PNN: variants seen among roughly 807,000 people sequenced by gnomAD.
PNN encodes pinin.
A neutral mutation model predicts 76.6 loss-of-function variants in PNN; 38 were observed. The observed-to-expected ratio is 0.50, with a 90% CI of 0.38 to 0.65. The LOEUF is 0.65. PNN is among the 30% of genes least tolerant of loss of function. The pLI is 0.00. For synonymous variants in PNN, 366 were observed against 283.7 expected (o/e 1.29, Z -2.91); for missense variants, 873 against 874.1 (o/e 1.00, Z 0.02).
rs1566557691 is a variant in PNN, at chr14:39,177,784, A to G, written c.423-57A>G. The G allele has an allele frequency of 6.2e-6, 9 of 1,463,072 alleles. No individual in the cohort carries two copies. In the South Asian group the frequency reaches 1.0e-4, roughly 17 times the overall value. 90.6% of individuals were successfully genotyped at this position (1,463,072 alleles called of 1,614,324 possible). ...ATCCTGTAGTATTTCTTAGAAAATGATGGGTTTAAATGAAATGGATCCTGT... is the reference window on the plus strand; with the variant it reads ...ATCCTGTAGTATTTCTTAGAAAATGGTGGGTTTAAATGAAATGGATCCTGT... On this transcript the variant is annotated intron_variant, in intron 5 of 8. Transcript: ENST00000216832.
At position 39,177,473 on chromosome 14, in the gene PNN, G is replaced by A; in HGVS notation, c.316G>A (p.Asp106Asn). Reference protein sequence around the residue: ...SRQESDPEDDDVKKPALQSSV... With the variant: ...SRQESDPEDDNVKKPALQSSV... Reference sequence around the variant, plus strand: ...CCAGGAAAGCGACCCGGAGGATGATGATGTTAAAAAGGTATTGAGATTGAA... The same window carrying A: ...CCAGGAAAGCGACCCGGAGGATGATAATGTTAAAAAGGTATTGAGATTGAA... Residue 106 changes from aspartate (D) to asparagine (N), a missense_variant, in exon 4 of 9, where the codon GAT becomes AAT. Transcript: ENST00000216832. 6.2e-7 allele frequency: 1 copy of A among 1,613,840 alleles called. No individual in the cohort carries two copies.
chr14:39,177,634 C>A lies in PNN; in HGVS notation c.369C>A (p.Arg123=). ...CAGTTGTAGCTACCTCCAAAGAGCG[C>A]ACACGTAGAGACCTTATCCAGGATC... The part of the protein sequence containing the change: ...QSSVVATSKE[R]TRRDLIQDQN... The change falls in exon 5 of 9, where the codon CGC becomes CGA. Residue 123 remains arginine, a synonymous_variant. Coordinates refer to ENST00000216832, the MANE Select transcript of PNN (RefSeq NM_002687.4). 6.2e-7 allele frequency: 1 copy of A among 1,613,822 alleles called. No individual in the cohort carries two copies. Among genetic ancestry groups the A allele is most frequent in the South Asian group, 1.1e-5 (1 of 91,078 alleles).
At position 39,181,118 on chromosome 14, in the gene PNN, C is replaced by A. The variant is rs2053266364; in HGVS notation, c.1409C>A (p.Pro470His). 6 of 1,612,866 alleles carry A rather than the reference C, an allele frequency of 3.7e-6. No homozygotes were observed. The African/African-American group carries it at 6.7e-5, about 18-fold the overall frequency. The change falls in exon 9 of 9, where the codon CCT becomes CAT. Residue 470 changes from proline to histidine, a missense_variant. Around this residue, in one of 3 missense-constraint regions of PNN, gnomAD observed 712 missense variants for 693.1 expected, o/e 1.03. Transcript: ENST00000216832. Reference protein sequence around the residue: ...EKEEKESEPQPEPVAQPQPQS... With the variant: ...EKEEKESEPQHEPVAQPQPQS... ...GAAGAAAAAGAATCTGAGCCCCAAC[C>A]TGAGCCTGTGGCTCAACCTCAGCCT...
Position 39,181,466 on chromosome 14 carries a change from G to A in PNN, c.1757G>A (p.Ser586Asn), listed in dbSNP as rs777418085. 1 of 1,610,676 alleles carries A rather than the reference G, an allele frequency of 6.2e-7. No homozygotes were observed. Among genetic ancestry groups the A allele is most frequent in the South Asian group, 1.1e-5 (1 of 90,888 alleles). ...AGTAGCAGTAGCAGTTCTAGTAGCAGTTCAACCAGTAGCAGCAGTGGAAGT... is the reference window on the plus strand; with the variant it reads ...AGTAGCAGTAGCAGTTCTAGTAGCAATTCAACCAGTAGCAGCAGTGGAAGT... ...RSSSSSSSSS[S>N]STSSSSGSSS... Residue 586 changes from serine to asparagine, a missense_variant, in exon 9 of 9, where the codon AGT (serine) becomes AAT (asparagine). By Grantham distance (46) the Ser-to-Asn change is conservative. Transcript: ENST00000216832.
At position 39,181,720 on chromosome 14, in the gene PNN, A is replaced by G. The variant is rs13021; in HGVS notation, c.2011A>G (p.Ser671Gly). The change falls in exon 9 of 9, where the codon AGT becomes GGT. Residue 671 changes from serine to glycine, a missense_variant. Ser to Gly is a moderately conservative substitution (Grantham distance 56, BLOSUM62 0). Coordinates refer to ENST00000216832, the MANE Select transcript of PNN (RefSeq NM_002687.4). ...ERSHKSSKGG[S>G]SRDTKGSKDK... ...AAGTCACAAATCTTCAAAAGGTGGTAGTAGTAGAGATACAAAAGGATCAAA... is the reference window on the plus strand; with the variant it reads ...AAGTCACAAATCTTCAAAAGGTGGTGGTAGTAGAGATACAAAAGGATCAAA... The G allele has an allele frequency of 0.1, 165,092 of 1,613,688 alleles. 9,954 individuals are homozygous for G. Among genetic ancestry groups the G allele is most frequent in the East Asian group, 0.32 (14,261 of 44,874 alleles).
chr14:39,175,779 C>T (rs2053218507), intron 1 of PNN: 1 of 477,090 alleles, frequency 2.1e-6, no homozygotes, highest in Non-Finnish European at 3.7e-6. Context: ...GCCGCCTTAC[C>T]CCAGCTTCCT....
At position 39,176,090 on chromosome 14, in the gene PNN, C is replaced by G; in HGVS notation, c.126C>G (p.Ala42=). The G allele has an allele frequency of 1.2e-6, 2 of 1,605,392 alleles. No individual in the cohort carries two copies. The highest frequency in any genetic ancestry group is 1.7e-6 in the Non-Finnish European group (2 of 1,172,076). The change falls in exon 2 of 9, where the codon GCC becomes GCG. Residue 42 remains alanine (A), a synonymous_variant. Transcript: ENST00000216832. Reference sequence around the variant, plus strand: ...AAATCTTTTACAGGCCCATCCAAGCCAGATTGCTGGCCCTTTCTGGTCCTG... The same window carrying G: ...AAATCTTTTACAGGCCCATCCAAGCGAGATTGCTGGCCCTTTCTGGTCCTG... ...RDPNDVRPIQ[A]RLLALSGPGG...
chr14:39,178,748 T>A (rs1322172016), intron 6 of PNN, among the ~76,000 whole-genome samples: 1 of 146,198 alleles, frequency 6.8e-6, no homozygotes, highest in African/African-American at 2.7e-5. Flanking sequence ...AAAAAAAAAT[T>A]TTTTTTGAGA....
chr14:39,177,572 TGA>T lies in PNN; in HGVS notation c.328-18_328-17del. 9 of 1,609,650 alleles carry T rather than the reference TGA, an allele frequency of 5.6e-6. No homozygotes were observed. The highest frequency in any genetic ancestry group is 7.7e-6 in the Non-Finnish European group (9 of 1,175,854). ...ACCACTCATATGCTAGTTAAATTAC[TGA>T]GATTTTCTTTTTCTGCAGCCAGCAT... is the stretch of plus-strand genomic sequence containing the variant. On this transcript the variant is annotated intron_variant, in intron 4 of 8. Coordinates refer to ENST00000216832, the MANE Select transcript of PNN (RefSeq NM_002687.4).
chr14:39,178,928 ATGG>A, intron 6 of PNN, 160 bp from the exon 7 acceptor site: 1 of 616,964 alleles, frequency 1.6e-6, no homozygotes, highest in Non-Finnish European at 2.7e-6. Flanking sequence ...TTTAGTAGAG[ATGG>A]TGGTGTTGGC....
rs771458367 is a variant in PNN, at chr14:39,181,012, C to G, written c.1303C>G (p.Pro435Ala). The G allele has an allele frequency of 1.9e-5, 30 of 1,611,714 alleles. No homozygotes were observed. The highest frequency in any genetic ancestry group is 2.5e-5 in the Non-Finnish European group (30 of 1,178,426). Residue 435 changes from proline to alanine, a missense_variant, in exon 9 of 9, where the codon CCA (proline) becomes GCA (alanine). This residue lies in a region of PNN where 712 missense variants were observed against 693.1 expected (regional missense o/e 1.03). Transcript: ENST00000216832. ...ACCAGAAATGGAATTTGAAATTGAGCCAGATAAAGAATGTAAAACCCTTTC... is the reference window on the plus strand; with the variant it reads ...ACCAGAAATGGAATTTGAAATTGAGGCAGATAAAGAATGTAAAACCCTTTC... The part of the protein sequence containing the change: ...LEPEMEFEIE[P>A]DKECKTLSPG...
chr14:39,179,408 A>G lies in PNN; in HGVS notation c.739A>G (p.Arg247Gly). 1 of 1,613,028 alleles carries G rather than the reference A, an allele frequency of 6.2e-7. No homozygotes were observed. Among genetic ancestry groups the G allele is most frequent in the Non-Finnish European group, 8.5e-7 (1 of 1,179,084 alleles). Residue 247 changes from arginine to glycine, a missense_variant, in exon 8 of 9, where the codon AGA (arginine) becomes GGA (glycine). Coordinates refer to ENST00000216832, the MANE Select transcript of PNN (RefSeq NM_002687.4). The stretch of plus-strand genomic sequence containing the variant: ...GCCCCATTTGTTTTATATTCCTGGA[A>G]GAATGTGTCCAGCTACCCAAAAACT... The part of the protein sequence containing the change: ...TKPHLFYIPG[R>G]MCPATQKLIE...
chr14:39,178,387 C>T (rs115451838), intron 6 of PNN, among the ~76,000 whole-genome samples: 2,324 of 152,090 alleles, frequency 0.015, 69 homozygotes, highest in African/African-American at 0.052. Context: ...CAAAATTAGC[C>T]GCCTGTGGTG....
chr14:39,178,845 TCTC>T (rs2053249575), intron 6 of PNN, among the ~76,000 whole-genome samples: 1 of 152,134 alleles, frequency 6.6e-6, no homozygotes, highest in African/African-American at 2.4e-5. Flanking sequence ...TCAAGTGATT[TCTC>T]CTGCTTCGGC....
At chr14:39,176,651 A>C in intron 3 of PNN, 56 bp downstream of exon 3, 1 of 1,001,452 alleles carries the variant, frequency 1.0e-6, no homozygotes, top group Non-Finnish European at 1.5e-6. Flanking sequence ...TACCACACAA[A>C]TATAAATGTT....
chr14:39,178,849 C>A (rs1317682880), intron 6 of PNN, among the ~76,000 whole-genome samples: 1 of 152,038 alleles, frequency 6.6e-6, no homozygotes, highest in South Asian at 2.1e-4. Context: ...GTGATTTCTC[C>A]TGCTTCGGCC....
rs773496255 is a variant in PNN at position 39,180,483 on chromosome 14, T to A, written c.794-20T>A. 6.6e-7 allele frequency: 1 copy of A among 1,523,568 alleles called. No individual in the cohort carries two copies. The highest frequency in any genetic ancestry group is 2.3e-5 in the East Asian group (1 of 44,038). The allele number at this position is 1,523,568 out of a possible 1,614,324, so 94.4% of individuals were successfully genotyped here. A position where few individuals can be genotyped will look rare whatever the true frequency, so the allele number is the denominator to read the frequency against. ...TTTCTTAATCGGTAAATTTTACACA[T>A]GTAAATTTTTATTCTTTAGCTTTAT... is the stretch of plus-strand genomic sequence containing the variant. On this transcript the variant is annotated intron_variant, in intron 8 of 8. Transcript: ENST00000216832.
At chr14:39,176,205 T>TGTTG (rs1033104089) in intron 2 of PNN, 56 bp downstream of exon 2, 3 of 1,016,442 alleles carry the variant, frequency 3.0e-6, no homozygotes, top group African/African-American at 3.2e-5. Flanking sequence ...TTACTAAATA[T>TGTTG]GTTGGTTTGA....
chr14:39,177,553 C>G, intron 4 of PNN, 40 bp from the exon 5 acceptor site: 1 of 1,589,276 alleles, frequency 6.3e-7, no homozygotes, highest in Admixed American at 1.7e-5. Context: ...GCACACCACT[C>G]ATATGCTAGT....
Sources: gnomAD v4.1 joint callset for allele counts (sites outside exome capture counted in the v4.1 genomes callset) on GRCh38, gnomAD v4.1.1 for gene constraint, gnomAD v4.1.1 regional missense constraint, MANE v1.5 for transcripts, NCBI Gene and HGNC (gene_info 2026-07-23, HGNC 2026-07-21) for gene names.